Variants in GINS1 observed in about 807,000 individuals in gnomAD.
GINS1 encodes DNA replication complex GINS protein PSF1.
A neutral mutation model predicts 34.9 loss-of-function variants in GINS1; 26 were observed. The ratio of observed to expected loss-of-function variants is 0.74; its 90% confidence interval spans 0.55 to 1.03. The LOEUF is 1.03. GINS1 is among the 50% of genes least tolerant of loss of function. GINS1 has a pLI of 0.00. For missense variants in GINS1, 235 were observed against 237.9 expected (o/e 0.99, Z 0.08); for synonymous variants, 97 against 84.4 (o/e 1.15, Z -0.82).
chr20:25,413,476 GTTTTC>G (rs1257389207), intron 1 of GINS1: 2 of 249,018 alleles, frequency 8.0e-6, no homozygotes, highest in African/African-American at 4.5e-5. Context: ...TGTGTTTTCT[GTTTTC>G]TTGAGTATAT....
chr20:25,428,969 CTTT>C (rs77113924), intron 5 of GINS1, among the ~76,000 whole-genome samples: 1 of 127,440 alleles, frequency 7.8e-6, no homozygotes, highest in African/African-American at 2.9e-5. Context: ...ATTCCTCTCT[CTTT>C]TTTTTTTTTT....
intron 3 of GINS1, among the ~76,000 whole-genome samples, chr20:25,417,763 A>G (rs1288407604): frequency 2.6e-5 from 4 of 152,192 alleles, no homozygotes; most frequent in African/African-American, 9.7e-5. Flanking sequence ...CTGAGGCAGG[A>G]GAATTGCTTG....
intron 1 of GINS1, among the ~76,000 whole-genome samples, chr20:25,413,114 C>T (rs2090297008): frequency 6.6e-6 from 1 of 150,722 alleles, no homozygotes; most frequent in African/African-American, 2.5e-5. Flanking sequence ...GGCTGGAGTG[C>T]AATGGCATGA....
At chr20:25,432,590 C>G (rs573746807) in intron 5 of GINS1, among the ~76,000 whole-genome samples, 17 of 151,996 alleles carry the variant, frequency 1.1e-4, no homozygotes, top group Non-Finnish European at 1.9e-4. Flanking sequence ...CCTCAGCCTC[C>G]CGAGTAGCTG....
intron 4 of GINS1, among the ~76,000 whole-genome samples, chr20:25,423,396 G>A (rs1473271398): frequency 6.7e-6 from 1 of 149,186 alleles, no homozygotes; most frequent in African/African-American, 2.5e-5. Flanking sequence ...ACAGGAGTGA[G>A]CCACCGTGCC....
chr20:25,430,450 A>T (rs6083862), intron 5 of GINS1, among the ~76,000 whole-genome samples: 82,189 of 152,122 alleles, frequency 0.54, 22,792 homozygotes, highest in Admixed American at 0.61. Context: ...TTGCATTCCA[A>T]AAATAAATCT....
intron 6 of GINS1, among the ~76,000 whole-genome samples, chr20:25,442,099 C>T: frequency 6.6e-6 from 1 of 152,088 alleles, no homozygotes; most frequent in East Asian, 1.9e-4. Context: ...GATTTAGCTC[C>T]TTTGTTCATA....
intron 5 of GINS1, among the ~76,000 whole-genome samples, chr20:25,428,763 T>TTGACAAGAG (rs2090408209): frequency 1.3e-5 from 2 of 152,102 alleles, no homozygotes; most frequent in African/African-American, 4.8e-5. Context: ...TTTGACACTC[T>TTGACAAGAG]TGTCAAAAAT....
intron 2 of GINS1, among the ~76,000 whole-genome samples, chr20:25,415,303 T>C (rs370124398): frequency 6.6e-6 from 1 of 152,240 alleles, no homozygotes. Flanking sequence ...CTCAAGTCCC[T>C]AAGCCATTCA....
chr20:25,420,781 CAAAAAA>C (rs10540213), intron 4 of GINS1: 3 of 618,638 alleles, frequency 4.8e-6, no homozygotes, highest in Non-Finnish European at 5.9e-6. Context: ...GACCCTGTCT[CAAAAAA>C]AAAAAAAAAG....
intron 5 of GINS1, among the ~76,000 whole-genome samples, chr20:25,436,730 G>C (rs1005650652): frequency 6.6e-6 from 1 of 152,044 alleles, no homozygotes; most frequent in African/African-American, 2.4e-5. Flanking sequence ...TCTTCCTGTA[G>C]TTCTTAGAGC....
At chr20:25,423,452 C>CTTTTTTTTTTTTTTTTT (rs1159340467) in intron 4 of GINS1, among the ~76,000 whole-genome samples, 2 of 29,990 alleles carry the variant, frequency 6.7e-5, no homozygotes, top group Non-Finnish European at 1.2e-4. Flanking sequence ...TTTTTCTTTT[C>CTTTTTTTTTTTTTTTTT]TTTTTTTTTT....
intron 1 of GINS1, among the ~76,000 whole-genome samples, chr20:25,409,767 C>G (rs756553722): frequency 2.6e-5 from 4 of 152,160 alleles, no homozygotes; most frequent in Non-Finnish European, 5.9e-5. Flanking sequence ...AACTTCAGAG[C>G]AGTTACCTCA....
intron 5 of GINS1, among the ~76,000 whole-genome samples, chr20:25,434,090 C>G (rs2090441141): frequency 6.6e-6 from 1 of 151,714 alleles, no homozygotes; most frequent in Non-Finnish European, 1.5e-5. Flanking sequence ...TTGAGACCAG[C>G]CTGGGCAACA....
chr20:25,432,143 A>AT (rs781031677), intron 5 of GINS1, among the ~76,000 whole-genome samples: 222 of 152,228 alleles, frequency 1.5e-3, no homozygotes, highest in Non-Finnish European at 2.3e-3. Flanking sequence ...AAGTGCTGGA[A>AT]TTGCAGGCGT....
intron 5 of GINS1, among the ~76,000 whole-genome samples, chr20:25,440,000 A>G (rs976258136): frequency 6.6e-6 from 1 of 151,880 alleles, no homozygotes. Context: ...GTCTCAAAAA[A>G]AAAAAAAAAT....
At chr20:25,417,368 A>G (rs972851203) in intron 3 of GINS1, 166 bp downstream of exon 3, 4 of 582,128 alleles carry the variant, frequency 6.9e-6, no homozygotes, top group Non-Finnish European at 1.2e-5. Context: ...GAAAAATCAC[A>G]ACACTTTTAA....
At chr20:25,445,389 C>G (rs1344232563) in intron 6 of GINS1, among the ~76,000 whole-genome samples, 1 of 151,018 alleles carries the variant, frequency 6.6e-6, no homozygotes. Context: ...CTCTGTTGCC[C>G]AAGCTGGAGT....
At chr20:25,425,572 A>G (rs1197110442) in intron 5 of GINS1, among the ~76,000 whole-genome samples, 1 of 152,212 alleles carries the variant, frequency 6.6e-6, no homozygotes, top group Non-Finnish European at 1.5e-5. Flanking sequence ...TACTAAAACA[A>G]AGTTAAATCA....
Sources: gnomAD v4.1 joint callset for allele counts (sites outside exome capture counted in the v4.1 genomes callset) on GRCh38, gnomAD v4.1.1 for gene constraint, MANE v1.5 for transcripts, NCBI Gene and HGNC (gene_info 2026-07-23, HGNC 2026-07-21) for gene names.